The following SUCLG2 variants were observed in gnomAD, a reference collection of about 807,000 sequenced individuals.
The protein encoded by SUCLG2 is succinate--CoA ligase [GDP-forming] subunit beta, mitochondrial.
SUCLG2 carries 42 observed loss-of-function variants against 47.9 expected under a neutral mutation model. The ratio of observed to expected loss-of-function variants is 0.88; its 90% CI spans 0.69 to 1.14. SUCLG2 has a LOEUF of 1.14. Ranked by LOEUF, SUCLG2 falls within the 50% of genes most tolerant of loss-of-function variation. The probability of loss-of-function intolerance (pLI) is 0.00; values close to 1 mark genes in which losing one functional copy is unlikely to be tolerated. For missense variants in SUCLG2, 571 were observed against 525.9 expected (o/e 1.09, Z -0.84); for synonymous variants, 195 against 197.3 (o/e 0.99, Z 0.10).
intron 9 of SUCLG2, among the ~76,000 whole-genome samples, chr3:67,492,439 A>G (rs1256773120): frequency 6.6e-6 from 1 of 152,226 alleles, no homozygotes; most frequent in Non-Finnish European, 1.5e-5. Context: ...CAAGGTTAAC[A>G]TTCTATATAG....
At chr3:67,618,147 C>A (rs141231049) in intron 1 of SUCLG2, among the ~76,000 whole-genome samples, 2 of 152,096 alleles carry the variant, frequency 1.3e-5, no homozygotes, top group South Asian at 2.1e-4. Flanking sequence ...TAGGGCCAGG[C>A]GCAGTGGCTC....
At chr3:67,483,704 T>G (rs1160708163) in intron 9 of SUCLG2, among the ~76,000 whole-genome samples, 1 of 152,230 alleles carries the variant, frequency 6.6e-6, no homozygotes, top group Non-Finnish European at 1.5e-5. Context: ...CTGATGTTTC[T>G]AAATGGCTTT....
At chr3:67,422,167 G>A (rs555385770) in intron 9 of SUCLG2, among the ~76,000 whole-genome samples, 60 of 152,028 alleles carry the variant, frequency 3.9e-4, no homozygotes, top group African/African-American at 1.4e-3. Flanking sequence ...AAGTATGACA[G>A]GGAAGTTTAA....
chr3:67,528,640 G>A (rs980805138), intron 3 of SUCLG2, among the ~76,000 whole-genome samples: 15 of 152,190 alleles, frequency 9.9e-5, no homozygotes. Context: ...ACAGGGAGGA[G>A]AGGAAAGTGT....
chr3:67,635,766 G>C (rs948202289), intron 1 of SUCLG2, among the ~76,000 whole-genome samples: 1 of 152,058 alleles, frequency 6.6e-6, no homozygotes, highest in Non-Finnish European at 1.5e-5. Flanking sequence ...CTGTCATCAA[G>C]ACCAAAAAGC....
intron 9 of SUCLG2, among the ~76,000 whole-genome samples, chr3:67,464,616 T>C (rs1704425443): frequency 6.6e-6 from 1 of 152,206 alleles, no homozygotes; most frequent in Admixed American, 6.5e-5. Flanking sequence ...TACATGCTAC[T>C]CTTCTGAGAG....
chr3:67,432,054 C>T (rs964726836), intron 9 of SUCLG2, among the ~76,000 whole-genome samples: 4 of 152,094 alleles, frequency 2.6e-5, no homozygotes, highest in Non-Finnish European at 5.9e-5. Context: ...ATGGTCTGTT[C>T]AGATTCCCTT....
intron 10 of SUCLG2, among the ~76,000 whole-genome samples, chr3:67,379,891 T>C (rs9816677): frequency 0.85 from 129,374 of 152,210 alleles, 55,102 homozygotes; most frequent in East Asian, 0.97. Context: ...ATGGATGAAG[T>C]CTTATTGGGA....
intron 2 of SUCLG2, among the ~76,000 whole-genome samples, chr3:67,556,609 A>G (rs917337883): frequency 4.6e-5 from 7 of 152,126 alleles, no homozygotes; most frequent in Admixed American, 2.0e-4. Context: ...AAAACATCCT[A>G]CTGTATCTGC....
At chr3:67,490,689 T>C (rs1029126726) in intron 9 of SUCLG2, among the ~76,000 whole-genome samples, 1 of 152,180 alleles carries the variant, frequency 6.6e-6, no homozygotes, top group African/African-American at 2.4e-5. Flanking sequence ...TCAGAAAATA[T>C]AAAAAGCCAA....
intron 9 of SUCLG2, among the ~76,000 whole-genome samples, chr3:67,427,037 A>G (rs948461661): frequency 6.6e-6 from 1 of 152,240 alleles, no homozygotes; most frequent in Non-Finnish European, 1.5e-5. Context: ...ATTTCTTCCT[A>G]CCGATTGGCC....
At chr3:67,548,151 A>C (rs1424676533) in intron 2 of SUCLG2, among the ~76,000 whole-genome samples, 5 of 152,300 alleles carry the variant, frequency 3.3e-5, no homozygotes, top group Middle Eastern at 3.4e-3. Context: ...GACCCAATTG[A>C]AGTTAAGGGA....
At chr3:67,509,149 A>G (rs971245679) in intron 6 of SUCLG2, among the ~76,000 whole-genome samples, 5 of 152,214 alleles carry the variant, frequency 3.3e-5, no homozygotes, top group African/African-American at 1.2e-4. Context: ...AGTACGGCCT[A>G]AAACGTTGTT....
intron 9 of SUCLG2, among the ~76,000 whole-genome samples, chr3:67,413,994 C>T (rs1331392669): frequency 6.6e-6 from 1 of 151,998 alleles, no homozygotes; most frequent in Non-Finnish European, 1.5e-5. Flanking sequence ...ATTTTGTGTC[C>T]TATCAAAAAA....
chr3:67,410,246 A>G (rs1702905150), intron 9 of SUCLG2, among the ~76,000 whole-genome samples: 1 of 152,204 alleles, frequency 6.6e-6, no homozygotes, highest in African/African-American at 2.4e-5. Flanking sequence ...AGTATCTACA[A>G]AAGTAGAAGG....
chr3:67,529,253 G>A (rs1394922049), intron 2 of SUCLG2, 67 bp from the exon 3 acceptor site: 3 of 1,283,510 alleles, frequency 2.3e-6, no homozygotes, highest in Middle Eastern at 1.9e-4. Context: ...AAGCAATAAG[G>A]AAAGCAATAA....
At chr3:67,449,064 A>G (rs140342730) in intron 9 of SUCLG2, among the ~76,000 whole-genome samples, 35 of 152,362 alleles carry the variant, frequency 2.3e-4, no homozygotes, top group African/African-American at 8.4e-4. Flanking sequence ...TAAGTGAGGT[A>G]TTTTATGGTG....
At chr3:67,549,218 GA>G (rs34173318) in intron 2 of SUCLG2, among the ~76,000 whole-genome samples, 1 of 152,118 alleles carries the variant, frequency 6.6e-6, no homozygotes, top group African/African-American at 2.4e-5. Flanking sequence ...GCAACCTCCA[GA>G]AAAGCCAGGA....
intron 2 of SUCLG2, among the ~76,000 whole-genome samples, chr3:67,578,214 T>TATATATTTCATATATAAAAAATTTTAC (rs1559580130): frequency 2.4e-4 from 36 of 147,436 alleles, no homozygotes; most frequent in African/African-American, 3.7e-4. Context: ...ATATATTTTA[T>TATATATTTCATATATAAAAAATTTTAC]ATATATTTCA....
Sources: gnomAD v4.1 joint callset for allele counts (sites outside exome capture counted in the v4.1 genomes callset) on GRCh38, gnomAD v4.1.1 for gene constraint, MANE v1.5 for transcripts, NCBI Gene and HGNC (gene_info 2026-07-23, HGNC 2026-07-21) for gene names.